Variants in CDYL observed in about 807,000 individuals in gnomAD.
CDYL encodes chromodomain Y-like protein.
CDYL carries 8 observed loss-of-function variants against 47.3 expected under a neutral mutation model. The ratio of observed to expected loss-of-function variants is 0.17; its 90% CI spans 0.10 to 0.31. CDYL has a LOEUF of 0.31. CDYL is among the 10% of genes least tolerant of loss of function. The pLI is 1.00. For missense variants in CDYL, 471 were observed against 701.4 expected (o/e 0.67, Z 3.71); for synonymous variants, 266 against 265.0 (o/e 1.00, Z -0.04).
chr6:4,743,703 C>T (rs1757836678), intron 3 of CDYL, among the ~76,000 whole-genome samples: 1 of 152,158 alleles, frequency 6.6e-6, no homozygotes, highest in African/African-American at 2.4e-5. Flanking sequence ...TTATATATAT[C>T]ATCCAACTCA....
At chr6:4,817,153 A>C (rs1759699090) in intron 1 of CDYL, among the ~76,000 whole-genome samples, 1 of 151,950 alleles carries the variant, frequency 6.6e-6, no homozygotes, top group Non-Finnish European at 1.5e-5. Context: ...TTTCTTTTGC[A>C]GTTGTGTTGT....
At position 4,758,891 on chromosome 6, in the gene CDYL, G is replaced by A. The variant is rs181095094; in HGVS notation, c.186+24047G>A. Among the ~76,000 whole-genome samples, 1,067 of 150,834 alleles carry A rather than the reference G, an allele frequency of 7.1e-3. 10 individuals are homozygous for A. The highest frequency in any genetic ancestry group is 0.028 in the Middle Eastern group (8 of 284). ...ATGTAATATATTTACATATTTTAAAGCTTGGAAAGAATAAACAGACATAGA... is the reference window on the plus strand; with the variant it reads ...ATGTAATATATTTACATATTTTAAAACTTGGAAAGAATAAACAGACATAGA... On this transcript the variant is annotated intron_variant, in intron 3 of 8. Coordinates refer to the CDYL transcript ENST00000328908.
At chr6:4,801,197 C>T (rs1759215743) in intron 1 of CDYL, among the ~76,000 whole-genome samples, 1 of 152,136 alleles carries the variant, frequency 6.6e-6, no homozygotes, top group Admixed American at 6.5e-5. Context: ...TTGTTCAGAT[C>T]TAGGCTTTTA....
chr6:4,775,655 C>T (rs1758418230), upstream of CDYL, among the ~76,000 whole-genome samples: 1 of 150,336 alleles, frequency 6.7e-6, no homozygotes, highest in African/African-American at 2.4e-5. This position sits in a 1 kb window ranked among gnomAD's most constrained non-coding sequence, Gnocchi z 7.0. Flanking sequence ...CGCCCGGCTC[C>T]CGCCCCCCGG....
chr6:4,739,768 C>T lies in CDYL; in HGVS notation c.186+4924C>T, dbSNP rs192449997. ...AGGAGTTCGAGAACAGCCTGATCAA[C>T]GTGGAGAAACCCCGTCTCTACTAAA... On this transcript the variant is annotated intron_variant, in intron 3 of 8. Transcript: ENST00000328908. Among the ~76,000 whole-genome samples the T allele has an allele frequency of 1.1e-4, 17 of 151,790 alleles. No homozygotes were observed. In the East Asian group the frequency reaches 2.5e-3, roughly 23 times the overall value.
At chr6:4,748,443 G>T (rs1757933621) in intron 3 of CDYL, among the ~76,000 whole-genome samples, 1 of 152,040 alleles carries the variant, frequency 6.6e-6, no homozygotes, top group African/African-American at 2.4e-5. Context: ...AACTGGTGGA[G>T]CTTGAGAAAG....
At chr6:4,914,437 G>C (rs908685111) in intron 2 of CDYL, among the ~76,000 whole-genome samples, 2 of 152,180 alleles carry the variant, frequency 1.3e-5, no homozygotes, top group Non-Finnish European at 2.9e-5. Context: ...GCCTCTTGCA[G>C]GTCTTTAGAA....
At chr6:4,792,697 A>G (rs544442851) in intron 1 of CDYL, among the ~76,000 whole-genome samples, 1 of 152,140 alleles carries the variant, frequency 6.6e-6, no homozygotes, top group Non-Finnish European at 1.5e-5. Context: ...TGGCCTCCCA[A>G]AGTGCTGGGA....
chr6:4,904,987 A>G (rs140776239), intron 2 of CDYL, among the ~76,000 whole-genome samples: 2,175 of 152,094 alleles, frequency 0.014, 52 homozygotes, highest in African/African-American at 0.05. Context: ...GGCCGTCCCT[A>G]TGTGAGCTGC....
intron 2 of CDYL, among the ~76,000 whole-genome samples, chr6:4,905,868 T>G (rs1357509789): frequency 1.3e-5 from 2 of 152,226 alleles, no homozygotes; most frequent in African/African-American, 4.8e-5. Context: ...AGGGATCAAG[T>G]CAGGGCTTTT....
intron 2 of CDYL, among the ~76,000 whole-genome samples, chr6:4,897,850 G>A (rs1210595817): frequency 2.0e-5 from 3 of 150,484 alleles, no homozygotes; most frequent in African/African-American, 2.4e-5. Flanking sequence ...GAGGTCAGGA[G>A]ATCAAGACCA....
At chr6:4,715,722 G>A in intron 1 of CDYL, 1 of 1,607,578 alleles carries the variant, frequency 6.2e-7, no homozygotes, top group Non-Finnish European at 8.5e-7. Flanking sequence ...AATTCCTCTT[G>A]TTGGGATTGT....
chr6:4,784,621 A>G lies in CDYL; in HGVS notation c.24+7814A>G, dbSNP rs61016990. 6.3e-3 allele frequency among the ~76,000 whole-genome samples: 963 copies of G among 152,328 alleles called. 7 individuals carry two copies. The highest frequency in any genetic ancestry group is 0.022 in the African/African-American group (929 of 41,580). Reference sequence around the variant, plus strand: ...GTCTTTGTTCGGCATGCCTTGATATATAGTCTTGTACCACATAATGATACT... The same window carrying G: ...GTCTTTGTTCGGCATGCCTTGATATGTAGTCTTGTACCACATAATGATACT... On this transcript the variant is annotated intron_variant, in intron 1 of 6. Transcript: ENST00000397588.
chr6:4,842,106 TATTA>T (rs931597667), intron 1 of CDYL, among the ~76,000 whole-genome samples: 1 of 143,836 alleles, frequency 7.0e-6, no homozygotes, highest in African/African-American at 2.5e-5. Flanking sequence ...CATATATTTA[TATTA>T]TTTATATATA....
chr6:4,909,916 T>C (rs1300588726), intron 2 of CDYL, among the ~76,000 whole-genome samples: 2 of 152,208 alleles, frequency 1.3e-5, no homozygotes, highest in African/African-American at 4.8e-5. Flanking sequence ...CCTTTGGGGC[T>C]GGCCTTTCAT....
At chr6:4,894,927 G>GTGTGTGTGTA (rs1554105563) in intron 2 of CDYL, among the ~76,000 whole-genome samples, 7 of 146,540 alleles carry the variant, frequency 4.8e-5, no homozygotes, top group Admixed American at 4.7e-4. Context: ...ATACACATAT[G>GTGTGTGTGTA]TATGTGTGTA....
chr6:4,898,884 G>C (rs1156611575), intron 2 of CDYL, among the ~76,000 whole-genome samples: 1 of 152,220 alleles, frequency 6.6e-6, no homozygotes, highest in Non-Finnish European at 1.5e-5. Flanking sequence ...GGGAGTGCTT[G>C]CGTTTGCCAC....
At chr6:4,940,571 G>A (rs1758334151) in intron 4 of CDYL, among the ~76,000 whole-genome samples, 1 of 152,232 alleles carries the variant, frequency 6.6e-6, no homozygotes, top group South Asian at 2.1e-4. Flanking sequence ...ACGAGGATTC[G>A]TGGTTTGCAG....
chr6:4,783,131 TTTC>T (rs1561635332), intron 1 of CDYL, among the ~76,000 whole-genome samples: 2 of 152,114 alleles, frequency 1.3e-5, no homozygotes, highest in African/African-American at 2.4e-5. Flanking sequence ...GACTTCATAG[TTTC>T]TTCAATCAGA....
Sources: gnomAD v4.1 joint callset for allele counts (sites outside exome capture counted in the v4.1 genomes callset) on GRCh38, gnomAD v4.1.1 for gene constraint, Gnocchi (gnomAD v3.1) non-coding constraint, MANE v1.5 for transcripts, NCBI Gene and HGNC (gene_info 2026-07-23, HGNC 2026-07-21) for gene names.